EPHA5: variants seen among roughly 807,000 people sequenced by gnomAD.
EPHA5 encodes EPH receptor A5.
In EPHA5, 60 loss-of-function variants were observed where a neutral mutation model predicts 105.0. That is an observed-to-expected ratio of 0.57 (90% CI 0.46 to 0.71). EPHA5 has a LOEUF of 0.71. Among genes scored for constraint, EPHA5 ranks in the 30% least tolerant of loss-of-function variants. EPHA5 has a pLI of 0.00. For missense variants in EPHA5, 1,218 were observed against 1,274.7 expected (o/e 0.96, Z 0.68); for synonymous variants, 513 against 449.1 (o/e 1.14, Z -1.80).
At chr4:65,504,768 A>G (rs1246780966) in intron 3 of EPHA5, among the ~76,000 whole-genome samples, 2 of 152,004 alleles carry the variant, frequency 1.3e-5, no homozygotes, top group Non-Finnish European at 2.9e-5. Context: ...AATAAAAGCC[A>G]CATGATTTCA....
intron 8 of EPHA5, among the ~76,000 whole-genome samples, chr4:65,400,903 T>C (rs766478164): frequency 9.2e-5 from 14 of 152,050 alleles, no homozygotes; most frequent in Non-Finnish European, 1.5e-4. Context: ...TTAACTTATT[T>C]AACCAATGAT....
intron 3 of EPHA5, among the ~76,000 whole-genome samples, chr4:65,496,259 A>G (rs1394420864): frequency 6.6e-6 from 1 of 151,932 alleles, no homozygotes; most frequent in African/African-American, 2.4e-5. Context: ...TTTAAGTTTT[A>G]GGGTACATGT....
chr4:65,452,243 G>C (rs1727136853), intron 5 of EPHA5, among the ~76,000 whole-genome samples: 1 of 151,962 alleles, frequency 6.6e-6, no homozygotes, highest in Non-Finnish European at 1.5e-5. Flanking sequence ...TGGTGTGGTG[G>C]GAGTTAAAAT....
rs145126637 is a variant in EPHA5 at position 65,643,409 on chromosome 4, C to T, written c.200G>A (p.Arg67His). ...CCATCCCAGGTCCCCCATGACAGTG[C>T]GTGAATCCAATAAATTCACTGAAAA... The part of the protein sequence containing the change: ...PSNEVNLLDS[R>H]TVMGDLGWIA... Residue 67 changes from arginine to histidine, a missense_variant, in exon 2 of 17, where the codon CGC (arginine) becomes CAC (histidine). Physicochemically the swap from Arg to His is conservative, Grantham distance 29. Around this residue, in one of 3 missense-constraint regions of EPHA5, gnomAD observed 233 missense variants for 227.5 expected, o/e 1.02. Transcript: ENST00000613740. 1.9e-5 allele frequency: 31 copies of T among 1,612,688 alleles called. No homozygotes were observed. Among genetic ancestry groups the T allele is most frequent in the Non-Finnish European group, 2.1e-5 (25 of 1,179,100 alleles).
At chr4:65,580,149 A>T (rs56022710) in intron 3 of EPHA5, among the ~76,000 whole-genome samples, 39,239 of 151,706 alleles carry the variant, frequency 0.26, 6,062 homozygotes, top group Middle Eastern at 0.39. Flanking sequence ...AAAGAAAAAA[A>T]ATTTGCTTTC....
intron 2 of EPHA5, among the ~76,000 whole-genome samples, chr4:65,620,464 G>C (rs1745619023): frequency 6.6e-6 from 1 of 151,990 alleles, no homozygotes; most frequent in Non-Finnish European, 1.5e-5. Flanking sequence ...TTTGAACTGT[G>C]GCAATTTTAA....
chr4:65,650,476 C>A (rs369462518), intron 1 of EPHA5, among the ~76,000 whole-genome samples: 116 of 148,614 alleles, frequency 7.8e-4, no homozygotes, highest in Non-Finnish European at 1.3e-3. Flanking sequence ...AGGAGAATGG[C>A]GTGAACTTAG....
chr4:65,343,241 A>AAAG (rs1288125699), intron 14 of EPHA5, among the ~76,000 whole-genome samples: 1 of 152,158 alleles, frequency 6.6e-6, no homozygotes. Context: ...ACTACATGAT[A>AAAG]TTATCTTAGC....
chr4:65,448,198 A>G (rs1222368253), intron 5 of EPHA5, among the ~76,000 whole-genome samples: 1 of 151,916 alleles, frequency 6.6e-6, no homozygotes, highest in Non-Finnish European at 1.5e-5. Flanking sequence ...AATTAAAAGT[A>G]TGTCATGAGA....
chr4:65,595,190 C>G (rs1334030915), intron 3 of EPHA5, among the ~76,000 whole-genome samples: 2 of 150,988 alleles, frequency 1.3e-5, no homozygotes, highest in Non-Finnish European at 3.0e-5. Flanking sequence ...ATCTAAAATA[C>G]CACACTTCAC....
chr4:65,480,255 A>G (rs949895758), intron 5 of EPHA5, among the ~76,000 whole-genome samples: 3 of 152,206 alleles, frequency 2.0e-5, no homozygotes, highest in African/African-American at 2.4e-5. Flanking sequence ...TTTCATTCAA[A>G]TTTGAATAAG....
chr4:65,452,216 C>A (rs1270241661), intron 5 of EPHA5, among the ~76,000 whole-genome samples: 1 of 152,122 alleles, frequency 6.6e-6, no homozygotes, highest in African/African-American at 2.4e-5. Context: ...TGTTTAACCA[C>A]TTCAGAGATT....
chr4:65,645,969 T>C (rs1427161212), intron 1 of EPHA5, among the ~76,000 whole-genome samples: 1 of 152,180 alleles, frequency 6.6e-6, no homozygotes, highest in African/African-American at 2.4e-5. Context: ...AATTAGGCAT[T>C]TTAGCAATTA....
chr4:65,476,115 A>AGTGTGTGTGTGT (rs1371610921), intron 5 of EPHA5, among the ~76,000 whole-genome samples: 5 of 118,094 alleles, frequency 4.2e-5, no homozygotes, highest in African/African-American at 1.3e-4. Context: ...AGAGAGAGAG[A>AGTGTGTGTGTGT]GAGAGAGAGA....
rs566621641 is a variant in EPHA5 at position 65,661,639 on chromosome 4, A to G, written c.181+7923T>C. Among the ~76,000 whole-genome samples, 84 of 152,130 alleles carry G rather than the reference A, an allele frequency of 5.5e-4. No individual in the cohort carries two copies. In the South Asian group the frequency reaches 8.7e-3, roughly 16 times the overall value. ...AGCCTCACCTTTTCTGCTAGTACAC[A>G]TGGTGAAAGCTTTGGGTGAAGCTTT... On this transcript the variant is annotated intron_variant, in intron 1 of 16. Coordinates refer to ENST00000613740, the MANE Select transcript of EPHA5 (RefSeq NM_001281766.3).
At chr4:65,568,382 A>T (rs542768428) in intron 3 of EPHA5, among the ~76,000 whole-genome samples, 4 of 151,372 alleles carry the variant, frequency 2.6e-5, no homozygotes, top group Non-Finnish European at 5.9e-5. Flanking sequence ...ATAATCAAAA[A>T]CTCTGTCCTG....
At chr4:65,627,323 C>A (rs1428606234) in intron 2 of EPHA5, among the ~76,000 whole-genome samples, 11 of 152,212 alleles carry the variant, frequency 7.2e-5, no homozygotes, top group Middle Eastern at 3.4e-3. Flanking sequence ...TTTGGAAAAA[C>A]CTGAATGCCC....
At chr4:65,613,457 C>T (rs917554778) in intron 2 of EPHA5, among the ~76,000 whole-genome samples, 9 of 151,920 alleles carry the variant, frequency 5.9e-5, no homozygotes, top group African/African-American at 1.9e-4. Flanking sequence ...CTGCAGATTG[C>T]TTTGGGCAGT....
intron 3 of EPHA5, among the ~76,000 whole-genome samples, chr4:65,498,611 A>G (rs1732175858): frequency 6.6e-6 from 1 of 151,850 alleles, no homozygotes; most frequent in South Asian, 2.1e-4. Flanking sequence ...AAAATCAACT[A>G]GGTTTCATGA....
Sources: allele counts gnomAD v4.1 joint callset (sites outside exome capture counted in the v4.1 genomes callset), GRCh38; gene constraint gnomAD v4.1.1; regional missense constraint gnomAD v4.1.1; transcripts MANE v1.5; gene names NCBI Gene and HGNC (gene_info 2026-07-23, HGNC 2026-07-21).